IL1RAPL2: variants seen among roughly 807,000 people sequenced by gnomAD.
IL1RAPL2 encodes interleukin 1 receptor accessory protein like 2.
In IL1RAPL2, 3 loss-of-function variants were observed where a neutral mutation model predicts 44.1. The ratio of observed to expected loss-of-function variants is 0.07; its 90% confidence interval spans 0.03 to 0.18. IL1RAPL2 has a LOEUF of 0.18. Ranked by LOEUF, IL1RAPL2 falls within the 10% of genes least tolerant of loss-of-function variation. The pLI, the probability that IL1RAPL2 is intolerant of heterozygous loss-of-function variation, is 1.00. For missense variants in IL1RAPL2, 391 were observed against 496.4 expected (o/e 0.79, Z 2.02); for synonymous variants, 181 against 178.8 (o/e 1.01, Z -0.10).
intron 2 of IL1RAPL2, among the ~76,000 whole-genome samples, chrX:104,939,477 T>C: frequency 8.9e-6 from 1 of 112,157 alleles, no homozygotes; most frequent in East Asian, 2.8e-4. Flanking sequence ...TAGTAAATAT[T>C]AAACCTAATC....
chrX:105,091,814 C>T (rs2032546329), intron 2 of IL1RAPL2, among the ~76,000 whole-genome samples: 1 of 111,817 alleles, frequency 8.9e-6, no homozygotes, highest in Non-Finnish European at 1.9e-5. Flanking sequence ...TACAATGCCT[C>T]ACAAGAAGTA....
At chrX:104,965,794 G>T (rs1359743261) in intron 2 of IL1RAPL2, among the ~76,000 whole-genome samples, 3 of 111,744 alleles carry the variant, frequency 2.7e-5, no homozygotes, top group Admixed American at 9.5e-5. Context: ...AAATTCAGTA[G>T]ATGGATTAAA....
intron 6 of IL1RAPL2, among the ~76,000 whole-genome samples, chrX:105,566,139 A>G (rs530825063): frequency 9.0e-6 from 1 of 111,296 alleles, no homozygotes; most frequent in South Asian, 3.8e-4. Context: ...AAATAAAACC[A>G]TTGCTAACTC....
chrX:105,165,498 T>C (rs1181630104), intron 2 of IL1RAPL2, among the ~76,000 whole-genome samples: 2 of 111,979 alleles, frequency 1.8e-5, no homozygotes, highest in Non-Finnish European at 3.8e-5. Context: ...ATCTCTGTGC[T>C]TCTAGTCTTG....
chrX:105,586,810 C>A (rs140032169), intron 6 of IL1RAPL2, among the ~76,000 whole-genome samples: 3,472 of 112,539 alleles, frequency 0.031, 135 homozygotes, highest in African/African-American at 0.11. Context: ...TTCTAGAATT[C>A]TGTGCATGTG....
intron 5 of IL1RAPL2, among the ~76,000 whole-genome samples, chrX:105,471,908 G>A (rs2036168156): frequency 9.0e-6 from 1 of 111,637 alleles, no homozygotes; most frequent in Non-Finnish European, 1.9e-5. Flanking sequence ...CAGAGAAAGT[G>A]CATATTTGCT....
In IL1RAPL2 at chrX:105,317,768, A is replaced by C. The variant is rs144427962; in HGVS notation, c.697+50227A>C. Among the ~76,000 whole-genome samples the C allele has an allele frequency of 5.1e-3, 566 of 110,756 alleles. 4 individuals are homozygous for C. The highest frequency in any genetic ancestry group is 0.018 in the African/African-American group (536 of 30,438). ...CCCCCTGAGAACAAAAAGCATTAAT[A>C]TAACTTAGGTGGAAAAAGTGAAATA... On this transcript the variant is annotated intron_variant, in intron 5 of 10. Coordinates refer to ENST00000372582, the MANE Select transcript of IL1RAPL2 (RefSeq NM_017416.2).
intron 6 of IL1RAPL2, among the ~76,000 whole-genome samples, chrX:105,670,591 G>A (rs1054112067): frequency 4.9e-5 from 5 of 101,797 alleles, no homozygotes; most frequent in Admixed American, 1.1e-4. Context: ...GAGCCACCGC[G>A]CCCGGCCAAT....
At chrX:105,596,032 CT>C (rs2037207343) in intron 6 of IL1RAPL2, among the ~76,000 whole-genome samples, 1 of 110,697 alleles carries the variant, frequency 9.0e-6, no homozygotes, top group African/African-American at 3.3e-5. Context: ...TGAGTCTTCT[CT>C]TTTTTAGTTA....
chrX:104,659,416 C>T (rs758417432), intron 2 of IL1RAPL2, among the ~76,000 whole-genome samples: 4 of 111,535 alleles, frequency 3.6e-5, no homozygotes, highest in South Asian at 7.5e-4. Flanking sequence ...TAGTTGTACC[C>T]AGTTGCTAAC....
At chrX:105,667,933 G>T (rs974190537) in intron 6 of IL1RAPL2, among the ~76,000 whole-genome samples, 3 of 110,295 alleles carry the variant, frequency 2.7e-5, no homozygotes, top group South Asian at 3.9e-4. Flanking sequence ...GAACTAACAT[G>T]CATCTTTCCT....
At chrX:104,843,782 T>G (rs1325347600) in intron 2 of IL1RAPL2, among the ~76,000 whole-genome samples, 1 of 109,583 alleles carries the variant, frequency 9.1e-6, no homozygotes, top group Non-Finnish European at 1.9e-5. Flanking sequence ...ATGTAGAAAT[T>G]ACCTACCTTC....
chrX:105,163,284 A>G (rs2033343004), intron 2 of IL1RAPL2, among the ~76,000 whole-genome samples: 1 of 112,052 alleles, frequency 8.9e-6, no homozygotes, highest in Non-Finnish European at 1.9e-5. Context: ...AGGCTGCTCA[A>G]AAAGCCTCCC....
At chrX:105,279,046 T>C (rs1055816106) in intron 5 of IL1RAPL2, among the ~76,000 whole-genome samples, 1 of 111,767 alleles carries the variant, frequency 8.9e-6, no homozygotes, top group Admixed American at 9.5e-5. Flanking sequence ...CATTGCCTGA[T>C]ACTAATTTAT....
At chrX:105,101,989 G>C (rs1397532352) in intron 2 of IL1RAPL2, among the ~76,000 whole-genome samples, 1 of 111,971 alleles carries the variant, frequency 8.9e-6, no homozygotes, top group Non-Finnish European at 1.9e-5. Flanking sequence ...CCTAATTCAG[G>C]AAATGATGTG....
chrX:105,154,090 C>A (rs1407468251), intron 2 of IL1RAPL2, among the ~76,000 whole-genome samples: 2 of 111,403 alleles, frequency 1.8e-5, no homozygotes, highest in Non-Finnish European at 3.8e-5. Context: ...GATGTGATAC[C>A]AAAGTCAGGT....
At chrX:105,470,573 A>C (rs769830923) in intron 5 of IL1RAPL2, among the ~76,000 whole-genome samples, 44 of 112,225 alleles carry the variant, frequency 3.9e-4, no homozygotes, top group Middle Eastern at 4.7e-3. Flanking sequence ...CCAGCCACCC[A>C]GCTTAATTTC....
At chrX:104,922,792 A>T (rs1268759856) in intron 2 of IL1RAPL2, among the ~76,000 whole-genome samples, 1 of 112,020 alleles carries the variant, frequency 8.9e-6, no homozygotes, top group Non-Finnish European at 1.9e-5. Flanking sequence ...CACACTAGCT[A>T]TCTAGCAATG....
In IL1RAPL2 at chrX:105,033,293, T is replaced by A. The variant is rs368542843; in HGVS notation, c.83-162182T>A. Among the ~76,000 whole-genome samples, 36 of 111,683 alleles carry A rather than the reference T, an allele frequency of 3.2e-4. No homozygotes were observed. In the South Asian group the frequency reaches 0.013, roughly 40 times the overall value. On this transcript the variant is annotated intron_variant, in intron 2 of 10. Coordinates refer to ENST00000372582, the MANE Select transcript of IL1RAPL2 (RefSeq NM_017416.2). The stretch of plus-strand genomic sequence containing the variant: ...GACGTTAGCTGGTTATTTTGTTCGT[T>A]AGTTGATGCAGTTTCTTCCTAGCCT...
Sources: allele counts gnomAD v4.1 joint callset (sites outside exome capture counted in the v4.1 genomes callset), GRCh38; gene constraint gnomAD v4.1.1; transcripts MANE v1.5; gene names NCBI Gene and HGNC (gene_info 2026-07-23, HGNC 2026-07-21).